CLIP2: variants seen among roughly 807,000 people sequenced by gnomAD.
CLIP2 encodes CAP-Gly domain-containing linker protein 2.
CLIP2 carries 41 observed loss-of-function variants against 111.7 expected under a neutral mutation model. The ratio of observed to expected loss-of-function variants is 0.37; its 90% CI spans 0.29 to 0.48. The LOEUF (loss-of-function observed/expected upper bound fraction) is 0.48. Ranked by LOEUF, CLIP2 falls within the 20% of genes least tolerant of loss-of-function variation. CLIP2 has a pLI of 0.99. For synonymous variants in CLIP2, 660 were observed against 644.2 expected (o/e 1.02, Z -0.37); for missense variants, 1,160 against 1,422.1 (o/e 0.82, Z 2.96).
chr7:74,341,490 T>G (rs959634166), intron 3 of CLIP2, among the ~76,000 whole-genome samples: 1 of 152,128 alleles, frequency 6.6e-6, no homozygotes, highest in Non-Finnish European at 1.5e-5. Flanking sequence ...CAGGAAAGTT[T>G]AATAACTTGT....
chr7:74,379,730 C>T (rs934887400), intron 10 of CLIP2, among the ~76,000 whole-genome samples: 1 of 152,068 alleles, frequency 6.6e-6, no homozygotes, highest in Admixed American at 6.6e-5. Context: ...CACGCCACTG[C>T]ACTCCAGCCT....
chr7:74,371,933 G>T (rs1554311951), intron 8 of CLIP2, among the ~76,000 whole-genome samples: 1 of 152,098 alleles, frequency 6.6e-6, no homozygotes, highest in Non-Finnish European at 1.5e-5. Flanking sequence ...AGCTTCCGGG[G>T]TTTTATTACA....
Position 74,334,987 on chromosome 7 carries a change from G to A in CLIP2, c.122-3461G>A, listed in dbSNP as rs1789408259. 2.0e-5 allele frequency among the ~76,000 whole-genome samples: 3 copies of A among 151,942 alleles called. No individual in the cohort carries two copies. In the South Asian group the frequency reaches 6.2e-4, roughly 32 times the overall value. On this transcript the variant is annotated intron_variant, in intron 2 of 16. Coordinates refer to ENST00000223398, the MANE Select transcript of CLIP2 (RefSeq NM_003388.5). ...TGGGGACTCCAGCCTGGGCAACAGAGTGAGACTCTGTCTCAAAAAAACAAA... is the reference window on the plus strand; with the variant it reads ...TGGGGACTCCAGCCTGGGCAACAGAATGAGACTCTGTCTCAAAAAAACAAA...
chr7:74,337,972 G>A (rs1789525154), intron 2 of CLIP2, among the ~76,000 whole-genome samples: 1 of 152,132 alleles, frequency 6.6e-6, no homozygotes, highest in Non-Finnish European at 1.5e-5. Context: ...GACCTGAGGA[G>A]GACCTGCCCA....
At chr7:74,393,370 C>CT (rs1791351085) in intron 13 of CLIP2, among the ~76,000 whole-genome samples, 1 of 139,698 alleles carries the variant, frequency 7.2e-6, no homozygotes, top group Admixed American at 7.5e-5. Context: ...GAGTTTTGCT[C>CT]TTGTTGTCCA....
intron 3 of CLIP2, among the ~76,000 whole-genome samples, chr7:74,351,161 G>T (rs1345013221): frequency 5.3e-5 from 8 of 151,508 alleles, no homozygotes; most frequent in African/African-American, 1.7e-4. Context: ...GAAAGAAAGA[G>T]AATAAAATAT....
At chr7:74,303,907 G>A in intron 1 of CLIP2, among the ~76,000 whole-genome samples, 1 of 77,184 alleles carries the variant, frequency 1.3e-5, no homozygotes. Flanking sequence ...GTGAGACTCG[G>A]TCTCAAAAAA....
At chr7:74,312,597 C>T (rs144701891) in intron 1 of CLIP2, among the ~76,000 whole-genome samples, 35 of 152,300 alleles carry the variant, frequency 2.3e-4, no homozygotes, top group East Asian at 7.7e-4. Flanking sequence ...GCTCACAGTC[C>T]GGCTCCCTCA....
At chr7:74,388,046 G>A (rs1223642517) in intron 12 of CLIP2, among the ~76,000 whole-genome samples, 1 of 152,088 alleles carries the variant, frequency 6.6e-6, no homozygotes, top group Non-Finnish European at 1.5e-5. Flanking sequence ...AAATTTGGCC[G>A]GGGCTGGGCA....
intron 7 of CLIP2, among the ~76,000 whole-genome samples, chr7:74,363,420 A>G (rs1790388786): frequency 6.6e-6 from 1 of 152,170 alleles, no homozygotes; most frequent in African/African-American, 2.4e-5. Context: ...ATGCCTGGGC[A>G]TTCCACATCC....
chr7:74,301,374 C>CTTA (rs3052819), intron 1 of CLIP2, among the ~76,000 whole-genome samples: 89,227 of 151,360 alleles, frequency 0.59, 29,227 homozygotes, highest in Non-Finnish European at 0.75. Flanking sequence ...AACTTATTTA[C>CTTA]TTATTATTAT....
At chr7:74,293,771 G>A (rs1489085099) in intron 1 of CLIP2, among the ~76,000 whole-genome samples, 5 of 152,166 alleles carry the variant, frequency 3.3e-5, no homozygotes, top group African/African-American at 1.2e-4. Flanking sequence ...CACTGATCAG[G>A]CCAGTGTGGG....
intron 1 of CLIP2, among the ~76,000 whole-genome samples, chr7:74,301,104 G>A (rs1554726763): frequency 6.6e-6 from 1 of 152,100 alleles, no homozygotes; most frequent in African/African-American, 2.4e-5. Context: ...TTGTTTTCAG[G>A]CTTTTGAATA....
chr7:74,319,753 G>A (rs1463682834), intron 2 of CLIP2, among the ~76,000 whole-genome samples: 3 of 151,496 alleles, frequency 2.0e-5, no homozygotes, highest in Non-Finnish European at 4.4e-5. Context: ...CCCAGGGGTT[G>A]GAGGCTGCAG....
chr7:74,314,485 T>A (rs1554728880), intron 1 of CLIP2, among the ~76,000 whole-genome samples: 1 of 152,086 alleles, frequency 6.6e-6, no homozygotes, highest in African/African-American at 2.4e-5. Flanking sequence ...AGTAAAACCC[T>A]GTCTCTAAAA....
chr7:74,381,587 G>T (rs782265598), intron 11 of CLIP2: 1 of 455,976 alleles, frequency 2.2e-6, no homozygotes, highest in Non-Finnish European at 4.4e-6. Context: ...TGAAGGCGCA[G>T]TGTTAGCTTC....
At chr7:74,364,603 C>T (rs1790423411) in intron 8 of CLIP2, among the ~76,000 whole-genome samples, 1 of 152,136 alleles carries the variant, frequency 6.6e-6, no homozygotes, top group African/African-American at 2.4e-5. Flanking sequence ...GGCTGAGGTC[C>T]CCTGTCCCTT....
chr7:74,403,129 G>A (rs1221008388), intron 16 of CLIP2, among the ~76,000 whole-genome samples: 3 of 77,956 alleles, frequency 3.8e-5, no homozygotes, highest in Admixed American at 2.3e-4. Context: ...TGAGGCAGGA[G>A]AATCGCTTGA....
intron 4 of CLIP2, among the ~76,000 whole-genome samples, chr7:74,355,869 G>A (rs1032237385): frequency 6.6e-6 from 1 of 152,194 alleles, no homozygotes; most frequent in Non-Finnish European, 1.5e-5. Context: ...GCAGAGAGCT[G>A]ATGGGAATCC....
Sources: gnomAD v4.1 joint callset for allele counts (sites outside exome capture counted in the v4.1 genomes callset) on GRCh38, gnomAD v4.1.1 for gene constraint, MANE v1.5 for transcripts, NCBI Gene and HGNC (gene_info 2026-07-23, HGNC 2026-07-21) for gene names.